Variants in APP observed in about 807,000 individuals in gnomAD.
The protein encoded by APP is amyloid beta precursor protein, also known as amyloid-beta precursor protein.
APP carries 31 observed loss-of-function variants against 101.4 expected under a neutral mutation model. The ratio of observed to expected loss-of-function variants is 0.31; its 90% CI spans 0.23 to 0.41. The LOEUF (loss-of-function observed/expected upper bound fraction) is 0.41, where lower values mean the gene tolerates loss of function less well. APP is among the 10% of genes least tolerant of loss of function. APP has a pLI of 1.00. For synonymous variants in APP, 366 were observed against 364.4 expected (o/e 1.00, Z -0.05); for missense variants, 839 against 1,003.7 (o/e 0.84, Z 2.22).
intron 1 of APP, among the ~76,000 whole-genome samples, chr21:26,139,107 T>C (rs1238637839): frequency 6.6e-6 from 1 of 151,864 alleles, no homozygotes; most frequent in East Asian, 1.9e-4. Context: ...CTGCAGAGGC[T>C]ACAAAAAACA....
intron 9 of APP, 115 bp from the exon 10 acceptor site, chr21:25,976,143 A>G: frequency 1.2e-6 from 1 of 833,058 alleles, no homozygotes; most frequent in South Asian, 1.5e-5. Flanking sequence ...GATATTTAAA[A>G]AATTTATTAC....
Position 25,881,340 on chromosome 21 carries a change from A to G in APP, c.*330T>C, listed in dbSNP as rs1448232762. On this transcript the variant is annotated 3_prime_UTR_variant, in exon 18 of 18. Transcript: ENST00000346798. ...TTGGGTCACAAACCACAAGAATAATATACAACTGGCTAAGGGGCTATGTGA... is the reference window on the plus strand; with the variant it reads ...TTGGGTCACAAACCACAAGAATAATGTACAACTGGCTAAGGGGCTATGTGA... The G allele has an allele frequency of 2.6e-6, 1 of 385,262 alleles. No homozygotes were observed. The highest frequency in any genetic ancestry group is 4.9e-6 in the Non-Finnish European group (1 of 204,308). 23.9% of individuals were successfully genotyped at this position (385,262 alleles called of 1,614,324 possible).
chr21:25,973,962 AAAG>A (rs1251860875), intron 11 of APP, among the ~76,000 whole-genome samples: 196 of 151,488 alleles, frequency 1.3e-3, no homozygotes, highest in African/African-American at 4.6e-3. Context: ...AAAAAAAAAA[AAAG>A]AACAAGTGGA....
chr21:25,895,978 C>T (rs192218741), intron 16 of APP, among the ~76,000 whole-genome samples: 31 of 152,262 alleles, frequency 2.0e-4, no homozygotes, highest in Admixed American at 1.6e-3. Flanking sequence ...TAGTCACTGT[C>T]GCATTATAGG....
At chr21:26,155,381 A>G (rs1055764876) in intron 1 of APP, among the ~76,000 whole-genome samples, 3 of 152,234 alleles carry the variant, frequency 2.0e-5, no homozygotes, top group Non-Finnish European at 2.9e-5. Context: ...CCCCTGTTGA[A>G]ATAACATTTT....
intron 3 of APP, among the ~76,000 whole-genome samples, chr21:26,074,130 C>T (rs1485835860): frequency 6.6e-6 from 1 of 151,992 alleles, no homozygotes; most frequent in East Asian, 1.9e-4. Context: ...AGGTAGTTAA[C>T]ACTAAAAAAG....
intron 13 of APP, chr21:25,942,964 A>G (rs2040640539): frequency 6.6e-6 from 1 of 152,050 alleles, no homozygotes; most frequent in Admixed American, 6.6e-5. Context: ...ACAGTCCCTC[A>G]TCCTCTCAGC....
chr21:26,009,551 A>T (rs922431728), intron 6 of APP: 1 of 151,774 alleles, frequency 6.6e-6, no homozygotes, highest in Non-Finnish European at 1.5e-5. Context: ...GAAAGCCAAG[A>T]TCAATTCAAG....
chr21:26,109,855 G>C (rs561346504), intron 2 of APP, among the ~76,000 whole-genome samples: 1 of 151,998 alleles, frequency 6.6e-6, no homozygotes, highest in Non-Finnish European at 1.5e-5. Flanking sequence ...AGGACAATTT[G>C]GTCAATGTCA....
intron 14 of APP, among the ~76,000 whole-genome samples, chr21:25,907,137 CTCT>C (rs144592208): frequency 1.6e-4 from 25 of 152,144 alleles, no homozygotes; most frequent in East Asian, 9.6e-4. Context: ...CCTCTCCCCG[CTCT>C]TCTTCTTCTT....
chr21:26,169,877 G>A (rs1331500169), intron 1 of APP, among the ~76,000 whole-genome samples: 1 of 152,220 alleles, frequency 6.6e-6, no homozygotes, highest in African/African-American at 2.4e-5. Flanking sequence ...TTTCTCGCAA[G>A]TTACACAAAA....
rs937900395 is a variant in APP at position 25,918,813 on chromosome 21, C to T, written c.1688-6851G>A. On this transcript the variant is annotated intron_variant, in intron 13 of 17. Coordinates refer to ENST00000346798, the MANE Select transcript of APP (RefSeq NM_000484.4). Reference sequence around the variant, plus strand: ...GCAGCGAGGCTGGGGGAGGGGAGCCCGCCATTGCCCAGGCTTGCTTAGGTA... The same window carrying T: ...GCAGCGAGGCTGGGGGAGGGGAGCCTGCCATTGCCCAGGCTTGCTTAGGTA... 6.0e-5 allele frequency among the ~76,000 whole-genome samples: 9 copies of T among 149,442 alleles called. No homozygotes were observed. The East Asian group carries it at 1.4e-3, about 23-fold the overall frequency.
chr21:26,104,170 T>C (rs571078409), intron 2 of APP, among the ~76,000 whole-genome samples: 2 of 152,308 alleles, frequency 1.3e-5, no homozygotes, highest in Admixed American at 1.3e-4. Context: ...CACATACTCA[T>C]GACCTCATCT....
intron 1 of APP, among the ~76,000 whole-genome samples, chr21:26,169,789 C>T (rs1375914008): frequency 6.6e-6 from 1 of 152,224 alleles, no homozygotes; most frequent in East Asian, 1.9e-4. Context: ...TCAGACAGAG[C>T]TTAGGGTGCG....
At chr21:26,122,735 G>GATTTTAATAAAATTTTTTTATTAAAAT (rs2062601439) in intron 1 of APP, among the ~76,000 whole-genome samples, 1 of 151,350 alleles carries the variant, frequency 6.6e-6, no homozygotes, top group African/African-American at 2.4e-5. Context: ...TTTATTAGAA[G>GATTTTAATAAAATTTTTTTATTAAAAT]ATTTTAATAA....
Position 26,081,034 on chromosome 21 carries a change from T to C in APP, c.355+8909A>G, listed in dbSNP as rs755074784. Among the ~76,000 whole-genome samples, 14 of 152,180 alleles carry C rather than the reference T, an allele frequency of 9.2e-5. No homozygotes were observed. In the South Asian group the frequency reaches 1.0e-3, roughly 11 times the overall value. ...TCATGACTACAGGGTATCTTTTTAATAGATTATATGTTACATGTGAATCTT... is the reference window on the plus strand; with the variant it reads ...TCATGACTACAGGGTATCTTTTTAACAGATTATATGTTACATGTGAATCTT... On this transcript the variant is annotated intron_variant, in intron 3 of 17. Coordinates refer to ENST00000346798, the MANE Select transcript of APP (RefSeq NM_000484.4).
At chr21:26,118,882 G>A (rs1276090389) in intron 1 of APP, among the ~76,000 whole-genome samples, 2 of 120,168 alleles carry the variant, frequency 1.7e-5, no homozygotes, top group East Asian at 2.5e-4. Context: ...AGTCACCAAA[G>A]GGAAAAAAAA....
intron 3 of APP, among the ~76,000 whole-genome samples, chr21:26,071,596 A>G (rs1444579980): frequency 6.6e-6 from 1 of 152,224 alleles, no homozygotes; most frequent in Non-Finnish European, 1.5e-5. Flanking sequence ...CCTGTCTTTC[A>G]TTTAAAATTA....
chr21:25,973,942 T>TAAAAAAAAAAAA (rs1568789777), intron 11 of APP, among the ~76,000 whole-genome samples: 1 of 73,656 alleles, frequency 1.4e-5, no homozygotes. Context: ...TCCATCTCAT[T>TAAAAAAAAAAAA]TAAAAAAAAA....
Sources: gnomAD v4.1 joint callset for allele counts (sites outside exome capture counted in the v4.1 genomes callset) on GRCh38, gnomAD v4.1.1 for gene constraint, MANE v1.5 for transcripts, NCBI Gene and HGNC (gene_info 2026-07-23, HGNC 2026-07-21) for gene names.